The following SUCLG2 variants were observed in gnomAD, a reference collection of about 807,000 sequenced individuals.
The protein encoded by SUCLG2 is succinate--CoA ligase [GDP-forming] subunit beta, mitochondrial.
Under a neutral mutation model 47.9 loss-of-function variants are expected in SUCLG2, and 42 were observed. The observed-to-expected ratio is 0.88, with a 90% CI of 0.69 to 1.14. The LOEUF (loss-of-function observed/expected upper bound fraction) is 1.14, where lower values mean the gene tolerates loss of function less well. Among genes scored for constraint, SUCLG2 ranks in the 50% most tolerant of loss-of-function variants. SUCLG2 has a pLI of 0.00. For synonymous variants in SUCLG2, 195 were observed against 197.3 expected (o/e 0.99, Z 0.10); for missense variants, 571 against 525.9 (o/e 1.09, Z -0.84).
downstream of SUCLG2, among the ~76,000 whole-genome samples, chr3:67,372,925 C>T (rs1399907555): frequency 2.0e-5 from 3 of 152,092 alleles, no homozygotes; most frequent in African/African-American, 4.8e-5. Flanking sequence ...CTACTCAGCT[C>T]TGCTGTGTAG....
chr3:67,464,342 T>G (rs1704416516), intron 9 of SUCLG2, among the ~76,000 whole-genome samples: 1 of 152,224 alleles, frequency 6.6e-6, no homozygotes, highest in Non-Finnish European at 1.5e-5. Context: ...GTGTGCAATT[T>G]TACAAGCGTG....
At chr3:67,451,320 G>C (rs1479017350) in intron 9 of SUCLG2, among the ~76,000 whole-genome samples, 2 of 152,150 alleles carry the variant, frequency 1.3e-5, no homozygotes, top group Non-Finnish European at 2.9e-5. Context: ...TTAAATAAAT[G>C]AATCGATATT....
At chr3:67,580,765 A>C (rs1707861350) in intron 2 of SUCLG2, among the ~76,000 whole-genome samples, 1 of 152,206 alleles carries the variant, frequency 6.6e-6, no homozygotes, top group Non-Finnish European at 1.5e-5. Context: ...ATAGACCGTC[A>C]ATCATAATTT....
chr3:67,446,613 T>G (rs1340348750), intron 9 of SUCLG2, among the ~76,000 whole-genome samples: 1 of 150,702 alleles, frequency 6.6e-6, no homozygotes, highest in Non-Finnish European at 1.5e-5. Flanking sequence ...TTTTTTTTTT[T>G]AGTAGAGATG....
intron 10 of SUCLG2, among the ~76,000 whole-genome samples, chr3:67,398,358 A>T (rs2106808238): frequency 6.6e-6 from 1 of 151,562 alleles, no homozygotes; most frequent in East Asian, 1.9e-4. Context: ...AAAGTGGGTA[A>T]AGGACATGAA....
intron 2 of SUCLG2, among the ~76,000 whole-genome samples, chr3:67,547,928 T>C (rs76944320): frequency 0.014 from 2,139 of 152,246 alleles, 18 homozygotes; most frequent in Non-Finnish European, 0.022. Context: ...TGAAAGTTTC[T>C]ACCGAAGGAC....
At chr3:67,410,979 C>T (rs1702920908) in intron 9 of SUCLG2, among the ~76,000 whole-genome samples, 1 of 152,146 alleles carries the variant, frequency 6.6e-6, no homozygotes, top group Admixed American at 6.5e-5. Flanking sequence ...TCAATCATCT[C>T]AGACTTATGT....
At chr3:67,429,954 T>A (rs1015209952) in intron 9 of SUCLG2, among the ~76,000 whole-genome samples, 26 of 152,142 alleles carry the variant, frequency 1.7e-4, no homozygotes, top group African/African-American at 6.0e-4. Context: ...ATAAAGCAAG[T>A]CCTTAGAGAC....
chr3:67,413,412 G>C (rs1702970432), intron 9 of SUCLG2, among the ~76,000 whole-genome samples: 1 of 152,124 alleles, frequency 6.6e-6, no homozygotes, highest in Non-Finnish European at 1.5e-5. Flanking sequence ...AAGGAACATG[G>C]GTAACATGGA....
At position 67,511,865 on chromosome 3, in the gene SUCLG2, G is replaced by C. The variant is rs951923007; in HGVS notation, c.661-2962C>G. On this transcript the variant is annotated intron_variant, in intron 6 of 10. Coordinates refer to ENST00000307227, the MANE Select transcript of SUCLG2 (RefSeq NM_003848.4). ...TGCGTGTGTGGGGGGGTGTGTGTGT[G>C]TGTACAAGAGAGTGTTGCTTTGTCA... 7.6e-5 allele frequency among the ~76,000 whole-genome samples: 11 copies of C among 145,456 alleles called. 1 individual carries two copies. Among genetic ancestry groups the C allele is most frequent in the African/African-American group, 1.1e-4 (4 of 35,398 alleles).
At chr3:67,438,199 T>C (rs1703670529) in intron 9 of SUCLG2, among the ~76,000 whole-genome samples, 2 of 152,138 alleles carry the variant, frequency 1.3e-5, no homozygotes, top group East Asian at 3.9e-4. Flanking sequence ...AAAGACACAA[T>C]GTACCAGAAT....
At chr3:67,469,010 A>G (rs1396997776) in intron 9 of SUCLG2, among the ~76,000 whole-genome samples, 2 of 152,240 alleles carry the variant, frequency 1.3e-5, no homozygotes, top group Non-Finnish European at 2.9e-5. Context: ...CTGAAGAGTA[A>G]GCTGAAGAAA....
chr3:67,389,603 C>T (rs1702336168), intron 10 of SUCLG2, among the ~76,000 whole-genome samples: 1 of 152,146 alleles, frequency 6.6e-6, no homozygotes, highest in Non-Finnish European at 1.5e-5. Flanking sequence ...TTTTCATTTG[C>T]TTTCCTCTAT....
chr3:67,526,352 CT>C (rs1261582213), intron 4 of SUCLG2, among the ~76,000 whole-genome samples: 1 of 152,196 alleles, frequency 6.6e-6, no homozygotes, highest in Admixed American at 6.5e-5. Flanking sequence ...TCTTGGGCCA[CT>C]TTCAAAGCCA....
At chr3:67,391,192 A>G (rs1702372467) in intron 10 of SUCLG2, among the ~76,000 whole-genome samples, 1 of 152,036 alleles carries the variant, frequency 6.6e-6, no homozygotes, top group African/African-American at 2.4e-5. Context: ...CATTCCCTAA[A>G]CTTTCTCTAA....
At chr3:67,368,468 T>C (rs986052017) in intron 10 of SUCLG2, among the ~76,000 whole-genome samples, 5 of 152,148 alleles carry the variant, frequency 3.3e-5, no homozygotes, top group African/African-American at 9.6e-5. Flanking sequence ...TATCCTTATG[T>C]TGGATTGTCC....
chr3:67,510,313 T>C (rs1271122980), intron 6 of SUCLG2, among the ~76,000 whole-genome samples: 1 of 152,232 alleles, frequency 6.6e-6, no homozygotes, highest in Non-Finnish European at 1.5e-5. Flanking sequence ...CCTACAAACA[T>C]TTTTAAATCC....
chr3:67,438,266 C>A (rs1703672139), intron 9 of SUCLG2, among the ~76,000 whole-genome samples: 1 of 152,112 alleles, frequency 6.6e-6, no homozygotes, highest in South Asian at 2.1e-4. Flanking sequence ...TAAATGCCTA[C>A]AGGAGAAAGC....
intron 9 of SUCLG2, among the ~76,000 whole-genome samples, chr3:67,493,388 C>T (rs1045884574): frequency 6.6e-6 from 1 of 152,116 alleles, no homozygotes; most frequent in African/African-American, 2.4e-5. Flanking sequence ...CCTTTATCTA[C>T]CCAAGATGAC....
Sources: allele counts gnomAD v4.1 joint callset (sites outside exome capture counted in the v4.1 genomes callset), GRCh38; gene constraint gnomAD v4.1.1; transcripts MANE v1.5; gene names NCBI Gene and HGNC (gene_info 2026-07-23, HGNC 2026-07-21).